Variants in TAF3 observed in about 807,000 individuals in gnomAD.
The protein encoded by TAF3 is transcription initiation factor TFIID subunit 3.
Under a neutral mutation model 80.6 loss-of-function variants are expected in TAF3, and 7 were observed. That is an observed-to-expected ratio of 0.09 (90% confidence interval 0.05 to 0.16). The LOEUF is 0.16. TAF3 is among the 10% of genes least tolerant of loss of function. The pLI is 1.00. For missense variants in TAF3, 921 were observed against 1,140.2 expected (o/e 0.81, Z 2.77); for synonymous variants, 444 against 446.1 (o/e 1.00, Z 0.06).
At chr10:7,831,331 C>T (rs1395086665) in intron 2 of TAF3, among the ~76,000 whole-genome samples, 1 of 151,754 alleles carries the variant, frequency 6.6e-6, no homozygotes, top group Admixed American at 6.6e-5. Context: ...TTTAAACATA[C>T]TTGACGGATT....
At chr10:7,872,094 T>G (rs189877817) in intron 2 of TAF3, among the ~76,000 whole-genome samples, 73 of 152,290 alleles carry the variant, frequency 4.8e-4, no homozygotes, top group African/African-American at 1.6e-3. Context: ...TCAGCGAAAT[T>G]TCCATAATTA....
At chr10:8,006,945 A>C (rs1176376334) in intron 4 of TAF3, among the ~76,000 whole-genome samples, 1 of 152,228 alleles carries the variant, frequency 6.6e-6, no homozygotes, top group African/African-American at 2.4e-5. Context: ...TTGCTGAGAA[A>C]AACAAGGCCT....
At chr10:7,989,537 C>T (rs1831813788) in intron 4 of TAF3, among the ~76,000 whole-genome samples, 1 of 152,098 alleles carries the variant, frequency 6.6e-6, no homozygotes, top group South Asian at 2.1e-4. Flanking sequence ...TTAAGTATCA[C>T]GATATTGCGT....
At chr10:7,866,437 A>C (rs987730641) in intron 2 of TAF3, among the ~76,000 whole-genome samples, 30 of 152,228 alleles carry the variant, frequency 2.0e-4, no homozygotes, top group African/African-American at 7.2e-4. Flanking sequence ...ACTTAAGCTG[A>C]TAGCTCAGTG....
chr10:7,989,323 G>A (rs2131427223), intron 4 of TAF3, among the ~76,000 whole-genome samples: 1 of 152,330 alleles, frequency 6.6e-6, no homozygotes, highest in Admixed American at 6.5e-5. Context: ...GAAGGCAGGG[G>A]CAAGGCAAAT....
At chr10:7,851,312 C>T (rs1184269994) in intron 2 of TAF3, among the ~76,000 whole-genome samples, 1 of 151,986 alleles carries the variant, frequency 6.6e-6, no homozygotes, top group African/African-American at 2.4e-5. Flanking sequence ...GTGTAAGGCT[C>T]ACAAAAGGGC....
At chr10:7,994,808 CCA>C (rs1831870763) in intron 4 of TAF3, among the ~76,000 whole-genome samples, 1 of 111,156 alleles carries the variant, frequency 9.0e-6, no homozygotes, top group Admixed American at 1.0e-4. Context: ...ACTAAAAATA[CCA>C]AAAAAAAAAA....
In TAF3 at chr10:7,906,547, T is replaced by G. The variant is rs377561796; in HGVS notation, c.410-57373T>G. On this transcript the variant is annotated intron_variant, in intron 2 of 6. Coordinates refer to ENST00000344293, the MANE Select transcript of TAF3 (RefSeq NM_031923.4). ...TTAGGGTGGCTGTTTTATGAAACCT[T>G]AGAGGTTTCTGCTAAGACACAATTA... 3.3e-5 allele frequency among the ~76,000 whole-genome samples: 5 copies of G among 152,202 alleles called. No homozygotes were observed. The East Asian group carries it at 9.7e-4, about 30-fold the overall frequency.
intron 4 of TAF3, among the ~76,000 whole-genome samples, chr10:8,007,305 C>G (rs1302681045): frequency 2.0e-5 from 3 of 151,760 alleles, no homozygotes; most frequent in Non-Finnish European, 2.9e-5. Flanking sequence ...TGGAGTGTGA[C>G]ATTGTGTGTA....
At chr10:7,986,581 C>T (rs772569329) in intron 4 of TAF3, among the ~76,000 whole-genome samples, 1 of 152,126 alleles carries the variant, frequency 6.6e-6, no homozygotes, top group Non-Finnish European at 1.5e-5. Flanking sequence ...CCAAGCTGAA[C>T]AAAACCAAGG....
chr10:7,911,051 G>A (rs1334652140), intron 2 of TAF3, among the ~76,000 whole-genome samples: 1 of 152,190 alleles, frequency 6.6e-6, no homozygotes, highest in Non-Finnish European at 1.5e-5. Context: ...GTGTTGGGGT[G>A]CAGATGGTAT....
intron 2 of TAF3, among the ~76,000 whole-genome samples, chr10:7,843,493 C>T (rs1836939370): frequency 6.6e-6 from 1 of 152,112 alleles, no homozygotes; most frequent in Non-Finnish European, 1.5e-5. Context: ...GTTTAAGTAA[C>T]TTTTAATCTT....
intron 2 of TAF3, among the ~76,000 whole-genome samples, chr10:7,873,514 G>C (rs1015321355): frequency 7.2e-5 from 11 of 152,002 alleles, no homozygotes; most frequent in Admixed American, 7.2e-4. Context: ...GTCACTGCAG[G>C]TGCAAATTTA....
intron 2 of TAF3, among the ~76,000 whole-genome samples, chr10:7,863,782 AT>A (rs1446599929): frequency 7.4e-6 from 1 of 134,544 alleles, no homozygotes; most frequent in Non-Finnish European, 1.6e-5. Context: ...ACATGTCTCC[AT>A]TTTTTAAAGA....
chr10:7,826,924 T>C lies in TAF3; in HGVS notation c.409+2364T>C, dbSNP rs1006977688. 2.0e-5 allele frequency among the ~76,000 whole-genome samples: 3 copies of C among 152,130 alleles called. No individual in the cohort carries two copies. In the East Asian group the frequency reaches 5.8e-4, roughly 29 times the overall value. ...AGTGGTGCAAAGTGAGGTACAGAGG[T>C]GAACCCCTTTGATAATGATGCTGTT... On this transcript the variant is annotated intron_variant, in intron 2 of 6. Coordinates refer to ENST00000344293, the MANE Select transcript of TAF3 (RefSeq NM_031923.4).
intron 2 of TAF3, among the ~76,000 whole-genome samples, chr10:7,860,700 A>T (rs574231248): frequency 6.6e-6 from 1 of 152,254 alleles, no homozygotes; most frequent in Admixed American, 6.5e-5. Flanking sequence ...ACTGATTTAA[A>T]CATTTTTAGT....
At chr10:7,883,368 G>T (rs903686130) in intron 2 of TAF3, among the ~76,000 whole-genome samples, 10 of 152,338 alleles carry the variant, frequency 6.6e-5, no homozygotes, top group Non-Finnish European at 1.5e-4. Flanking sequence ...ATTTTCATCA[G>T]AAATACCGTA....
At chr10:7,872,580 A>G (rs1837277823) in intron 2 of TAF3, among the ~76,000 whole-genome samples, 1 of 152,252 alleles carries the variant, frequency 6.6e-6, no homozygotes, top group African/African-American at 2.4e-5. Flanking sequence ...CTTGAGAAAT[A>G]GCAGAGTTAA....
chr10:7,883,511 A>G (rs1391846281), intron 2 of TAF3, among the ~76,000 whole-genome samples: 1 of 152,174 alleles, frequency 6.6e-6, no homozygotes, highest in Non-Finnish European at 1.5e-5. Context: ...TTTGTCATTG[A>G]TAGCTATCTG....
Sources: allele counts gnomAD v4.1 joint callset (sites outside exome capture counted in the v4.1 genomes callset), GRCh38; gene constraint gnomAD v4.1.1; transcripts MANE v1.5; gene names NCBI Gene and HGNC (gene_info 2026-07-23, HGNC 2026-07-21).